Variants in GRIK1 observed in about 807,000 individuals in gnomAD.
The protein encoded by GRIK1 is glutamate ionotropic receptor kainate type subunit 1.
Under a neutral mutation model 105.7 loss-of-function variants are expected in GRIK1, and 69 were observed. The observed-to-expected ratio is 0.65, with a 90% CI of 0.54 to 0.80. The LOEUF (loss-of-function observed/expected upper bound fraction) is 0.80. GRIK1 is among the 30% of genes least tolerant of loss of function. GRIK1 has a pLI of 0.00. For synonymous variants in GRIK1, 438 were observed against 431.3 expected (o/e 1.02, Z -0.19); for missense variants, 1,109 against 1,167.3 (o/e 0.95, Z 0.73).
At chr21:29,897,981 G>A (rs2070234717) in intron 1 of GRIK1, among the ~76,000 whole-genome samples, 1 of 152,298 alleles carries the variant, frequency 6.6e-6, no homozygotes, top group African/African-American at 2.4e-5. Context: ...TTAGAGATGA[G>A]GAAACATGAT....
intron 7 of GRIK1, among the ~76,000 whole-genome samples, chr21:29,637,578 C>G (rs969712773): frequency 1.3e-5 from 2 of 152,156 alleles, no homozygotes; most frequent in African/African-American, 4.8e-5. Context: ...ATAAAAGAGG[C>G]CCTTGAGAGA....
intron 1 of GRIK1, among the ~76,000 whole-genome samples, chr21:29,867,718 C>A (rs754224419): frequency 1.3e-4 from 20 of 151,570 alleles, no homozygotes; most frequent in African/African-American, 4.1e-4. Context: ...CTCTTGAACC[C>A]GAGAAGCAGA....
chr21:29,625,088 T>C (rs2062093391), intron 7 of GRIK1, among the ~76,000 whole-genome samples: 1 of 152,256 alleles, frequency 6.6e-6, no homozygotes, highest in Non-Finnish European at 1.5e-5. Context: ...TTGATGTGTC[T>C]ATTAATATCT....
chr21:29,725,862 C>T (rs116163010), intron 1 of GRIK1, among the ~76,000 whole-genome samples: 1,536 of 152,286 alleles, frequency 0.01, 25 homozygotes, highest in African/African-American at 0.035. Flanking sequence ...ATGATTGTCT[C>T]GTCTGCCTCC....
At chr21:29,767,989 T>C (rs1366161523) in intron 1 of GRIK1, among the ~76,000 whole-genome samples, 1 of 152,114 alleles carries the variant, frequency 6.6e-6, no homozygotes, top group Non-Finnish European at 1.5e-5. Context: ...TCACTCCAGA[T>C]AAAACTATTT....
intron 13 of GRIK1, among the ~76,000 whole-genome samples, chr21:29,577,673 T>A (rs1364538030): frequency 1.3e-5 from 2 of 152,226 alleles, no homozygotes; most frequent in African/African-American, 2.4e-5. Flanking sequence ...ATTGGGATTT[T>A]ACAAATAAAA....
intron 14 of GRIK1, among the ~76,000 whole-genome samples, chr21:29,569,261 T>C (rs1234765662): frequency 6.6e-6 from 1 of 152,220 alleles, no homozygotes. Context: ...ATGGTGATGA[T>C]GTTATAAGTG....
chr21:29,606,739 G>A (rs1335504163), intron 7 of GRIK1, among the ~76,000 whole-genome samples: 1 of 151,878 alleles, frequency 6.6e-6, no homozygotes, highest in African/African-American at 2.4e-5. Flanking sequence ...CAGTCCTAGA[G>A]CAAACCCTAA....
At chr21:29,871,194 C>A (rs1157109582) in intron 1 of GRIK1, among the ~76,000 whole-genome samples, 2 of 152,198 alleles carry the variant, frequency 1.3e-5, no homozygotes, top group Admixed American at 6.5e-5. Flanking sequence ...GCAGGGATTG[C>A]ATCCTAGTCC....
At chr21:29,920,271 T>C (rs1476075008) in intron 1 of GRIK1, among the ~76,000 whole-genome samples, 1 of 152,068 alleles carries the variant, frequency 6.6e-6, no homozygotes, top group Non-Finnish European at 1.5e-5. Context: ...AGTTTCATTT[T>C]CCCATTATTA....
intron 1 of GRIK1, among the ~76,000 whole-genome samples, chr21:29,754,390 T>C (rs1372308184): frequency 6.6e-6 from 1 of 152,178 alleles, no homozygotes; most frequent in Non-Finnish European, 1.5e-5. Flanking sequence ...AAAACTAAAC[T>C]TCCTATAGAA....
chr21:29,714,661 T>C (rs967797194), intron 1 of GRIK1, among the ~76,000 whole-genome samples: 1 of 152,168 alleles, frequency 6.6e-6, no homozygotes, highest in Non-Finnish European at 1.5e-5. Flanking sequence ...CTTTCTAAGA[T>C]GCAAATCAGA....
At chr21:29,830,313 ACAC>A (rs1569139512) in intron 1 of GRIK1, among the ~76,000 whole-genome samples, 9,109 of 114,544 alleles carry the variant, frequency 0.08, 416 homozygotes, top group African/African-American at 0.11. Context: ...CTCCCCACAC[ACAC>A]ACACACACAC....
At chr21:29,756,197 C>G (rs1036629229) in intron 1 of GRIK1, among the ~76,000 whole-genome samples, 20 of 152,058 alleles carry the variant, frequency 1.3e-4, no homozygotes, top group Non-Finnish European at 2.6e-4. Flanking sequence ...CTGGCTAACA[C>G]GGTGAAACCC....
At chr21:29,735,501 G>T (rs1053458115) in intron 1 of GRIK1, among the ~76,000 whole-genome samples, 14 of 152,090 alleles carry the variant, frequency 9.2e-5, no homozygotes, top group Non-Finnish European at 1.3e-4. Context: ...CTAGTGGTTT[G>T]GAACAACTTA....
At chr21:29,721,783 A>T (rs1338854156) in intron 1 of GRIK1, among the ~76,000 whole-genome samples, 1 of 152,134 alleles carries the variant, frequency 6.6e-6, no homozygotes, top group African/African-American at 2.4e-5. Context: ...TAGAAAAACT[A>T]TACAATGTTT....
intron 1 of GRIK1, among the ~76,000 whole-genome samples, chr21:29,899,120 T>C (rs1041811093): frequency 6.6e-6 from 1 of 152,222 alleles, no homozygotes; most frequent in Non-Finnish European, 1.5e-5. Flanking sequence ...GAAATGAGAA[T>C]TAAATTTTGA....
At chr21:29,709,432 C>T (rs1284467389) in intron 1 of GRIK1, among the ~76,000 whole-genome samples, 1 of 151,958 alleles carries the variant, frequency 6.6e-6, no homozygotes, top group Non-Finnish European at 1.5e-5. Flanking sequence ...AGGTGCCCGC[C>T]ACCATGCCCG....
chr21:29,628,786 A>G (rs1007862608), intron 7 of GRIK1, among the ~76,000 whole-genome samples: 3 of 152,194 alleles, frequency 2.0e-5, no homozygotes, highest in Non-Finnish European at 4.4e-5. Flanking sequence ...TCAGTCTCAA[A>G]TTACTCAAAT....
Sources: gnomAD v4.1 joint callset for allele counts (sites outside exome capture counted in the v4.1 genomes callset) on GRCh38, gnomAD v4.1.1 for gene constraint, MANE v1.5 for transcripts, NCBI Gene and HGNC (gene_info 2026-07-23, HGNC 2026-07-21) for gene names.